Variants in NTRK3 observed in about 807,000 individuals in gnomAD.
NTRK3 encodes the protein neurotrophic receptor tyrosine kinase 3, also known as NT-3 growth factor receptor.
Under a neutral mutation model 91.7 loss-of-function variants are expected in NTRK3, and 24 were observed. The ratio of observed to expected loss-of-function variants is 0.26; its 90% CI spans 0.19 to 0.37. The LOEUF is 0.37. NTRK3 is among the 10% of genes least tolerant of loss of function. The pLI is 1.00. For missense variants in NTRK3, 880 were observed against 1,068.9 expected, an observed-to-expected ratio of 0.82 and a Z score of 2.46; for synonymous variants, 483 against 404.0, an observed-to-expected ratio of 1.20 and a Z score of -2.34.
intron 3 of NTRK3, among the ~76,000 whole-genome samples, chr15:88,188,328 A>AT (rs1008460608): frequency 1.4e-4 from 21 of 152,272 alleles, no homozygotes; most frequent in African/African-American, 3.9e-4. Context: ...AAGGGAGGCG[A>AT]TTTTGCCCCC....
intron 3 of NTRK3, among the ~76,000 whole-genome samples, chr15:88,213,382 C>A (rs190996341): frequency 6.6e-6 from 1 of 152,090 alleles, no homozygotes; most frequent in East Asian, 1.9e-4. Flanking sequence ...AAAATAAAGG[C>A]GGGACAAGGA....
chr15:88,127,226 A>T (rs2053384242), exon 12 of NTRK3: 2 of 1,613,836 alleles, frequency 1.2e-6, no homozygotes, highest in South Asian at 2.2e-5. Flanking sequence ...CACTTCGTCA[A>T]CTGAAAACCA....
chr15:87,863,137 C>G (rs1401856328), exon 19 of NTRK3: 1 of 230,576 alleles, frequency 4.3e-6, no homozygotes, highest in Non-Finnish European at 8.6e-6. Context: ...CTTTCTACTT[C>G]TCTGAGCCAG....
intron 17 of NTRK3, among the ~76,000 whole-genome samples, chr15:87,916,767 C>CTT (rs540250461): frequency 2.1e-5 from 3 of 142,972 alleles, no homozygotes; most frequent in Non-Finnish European, 4.6e-5. Context: ...AAGCACAAGG[C>CTT]TTTTTTTTTT....
intron 13 of NTRK3, among the ~76,000 whole-genome samples, chr15:88,045,810 C>T (rs185766418): frequency 2.6e-5 from 4 of 152,352 alleles, no homozygotes; most frequent in African/African-American, 7.2e-5. Context: ...CTCCGCTCAT[C>T]GCATGGCATC....
chr15:88,121,874 A>T (rs1380396499), intron 13 of NTRK3, among the ~76,000 whole-genome samples: 1 of 152,204 alleles, frequency 6.6e-6, no homozygotes, highest in Non-Finnish European at 1.5e-5. Flanking sequence ...ACCATCTTAA[A>T]ACCTTTGTGA....
At chr15:88,249,589 G>T (rs2053163310) in intron 3 of NTRK3, among the ~76,000 whole-genome samples, 1 of 152,164 alleles carries the variant, frequency 6.6e-6, no homozygotes, top group Non-Finnish European at 1.5e-5. Flanking sequence ...GACTGCAGTG[G>T]TCCTTTCCAG....
At position 88,197,396 on chromosome 15, in the gene NTRK3, G is replaced by T. The variant is rs115795730; in HGVS notation, c.249-13097C>A. 8.2e-3 allele frequency among the ~76,000 whole-genome samples: 1,252 copies of T among 152,248 alleles called. 17 individuals are homozygous for T. Among genetic ancestry groups the T allele is most frequent in the African/African-American group, 0.028 (1,182 of 41,534 alleles). The stretch of plus-strand genomic sequence containing the variant: ...GCTTTCATTCTTTGAGTGCTAACTT[G>T]TTCTAGGCTCCATTTTTTACAAAGA... On this transcript the variant is annotated intron_variant, in intron 3 of 18. Coordinates refer to ENST00000394480, the Ensembl canonical transcript of NTRK3.
intron 14 of NTRK3, among the ~76,000 whole-genome samples, chr15:88,025,741 C>A (rs1031779487): frequency 2.0e-5 from 3 of 152,128 alleles, no homozygotes; most frequent in African/African-American, 7.2e-5. Flanking sequence ...TTGTTTGGGG[C>A]CACCCAACTT....
chr15:87,981,306 T>C, intron 14 of NTRK3: 1 of 1,595,940 alleles, frequency 6.3e-7, no homozygotes, highest in Non-Finnish European at 8.6e-7. Flanking sequence ...GACTAGATGA[T>C]CTCTATTGTC....
At chr15:87,884,782 C>T (rs1457419689) in intron 17 of NTRK3, among the ~76,000 whole-genome samples, 2 of 151,692 alleles carry the variant, frequency 1.3e-5, no homozygotes, top group East Asian at 3.9e-4. Flanking sequence ...TTTCCAACAT[C>T]TTTTTCTGAT....
At chr15:87,898,778 G>T (rs1042900478) in intron 17 of NTRK3, among the ~76,000 whole-genome samples, 2 of 145,520 alleles carry the variant, frequency 1.4e-5, no homozygotes, top group African/African-American at 5.1e-5. Context: ...CTGAGGTCTG[G>T]AGTTCAAGAC....
chr15:87,948,844 A>G (rs1448199279), intron 14 of NTRK3, among the ~76,000 whole-genome samples: 1 of 152,018 alleles, frequency 6.6e-6, no homozygotes, highest in Admixed American at 6.6e-5. Flanking sequence ...AAGAATAAGA[A>G]CCTGGATCTT....
intron 14 of NTRK3, among the ~76,000 whole-genome samples, chr15:87,950,966 G>A (rs1051864296): frequency 2.6e-5 from 4 of 152,182 alleles, no homozygotes; most frequent in East Asian, 1.9e-4. Context: ...ATGTCTTCAG[G>A]ACAGTTTTTA....
intron 17 of NTRK3, among the ~76,000 whole-genome samples, chr15:87,921,108 A>T (rs28510646): frequency 0.04 from 6,094 of 152,268 alleles, 426 homozygotes; most frequent in African/African-American, 0.14. Flanking sequence ...TACATCTAAA[A>T]TTACTCTCAA....
intron 13 of NTRK3, among the ~76,000 whole-genome samples, chr15:88,119,095 G>C (rs2052423033): frequency 1.3e-5 from 2 of 152,200 alleles, no homozygotes; most frequent in Admixed American, 6.5e-5. Flanking sequence ...TTGGTTCCCT[G>C]GAGTCTTCAG....
At chr15:88,146,649 C>A (rs568415500) in intron 6 of NTRK3, among the ~76,000 whole-genome samples, 15 of 152,280 alleles carry the variant, frequency 9.9e-5, no homozygotes, top group African/African-American at 3.6e-4. Flanking sequence ...GAATGGCTGG[C>A]TGGGATAGGG....
intron 13 of NTRK3, among the ~76,000 whole-genome samples, chr15:88,036,110 T>TCCC (rs1326889449): frequency 6.6e-6 from 1 of 152,042 alleles, no homozygotes; most frequent in Non-Finnish European, 1.5e-5. Flanking sequence ...CTGAAAAACT[T>TCCC]TTGGAAATTT....
At chr15:88,006,382 G>A (rs1183541785) in intron 14 of NTRK3, among the ~76,000 whole-genome samples, 4 of 152,208 alleles carry the variant, frequency 2.6e-5, no homozygotes, top group Non-Finnish European at 4.4e-5. Context: ...AGCAGTGGAG[G>A]CAGCTTTTCT....
Sources: gnomAD v4.1 joint callset for allele counts (sites outside exome capture counted in the v4.1 genomes callset) on GRCh38, gnomAD v4.1.1 for gene constraint, MANE v1.5 for transcripts, NCBI Gene and HGNC (gene_info 2026-07-23, HGNC 2026-07-21) for gene names.